Variants in AMOTL1 observed in about 807,000 individuals in gnomAD.
AMOTL1 encodes angiomotin like 1.
Under a neutral mutation model 102.9 loss-of-function variants are expected in AMOTL1, and 45 were observed. That is an observed-to-expected ratio of 0.44 (90% CI 0.34 to 0.56). The LOEUF (loss-of-function observed/expected upper bound fraction) is 0.56. Ranked by LOEUF, AMOTL1 falls within the 20% of genes least tolerant of loss-of-function variation. The probability of loss-of-function intolerance (pLI) is 0.01; values close to 1 mark genes in which losing one functional copy is unlikely to be tolerated. For missense variants in AMOTL1, 1,114 were observed against 1,225.6 expected, an observed-to-expected ratio of 0.91 and a Z score of 1.36; for synonymous variants, 481 against 484.7, an observed-to-expected ratio of 0.99 and a Z score of 0.10.
rs7937039 is a variant in AMOTL1, at chr11:94,829,222, T to C, written c.1414-828T>C. 9.7e-3 allele frequency among the ~76,000 whole-genome samples: 1,301 copies of C among 133,544 alleles called. 21 individuals are homozygous for C. The highest frequency in any genetic ancestry group is 0.038 in the African/African-American group (1,231 of 32,406). 87.6% of individuals were successfully genotyped at this position (133,544 alleles called of 152,430 possible). ...TGATTAGGTACATGTCCATTAATCC[T>C]TTTTTTTTTTTTTTTGGTGAGACGG... On this transcript the variant is annotated intron_variant, in intron 4 of 12. Transcript: ENST00000433060.
chr11:94,735,357 A>G (rs1201360516), intron 2 of AMOTL1, among the ~76,000 whole-genome samples: 1 of 152,210 alleles, frequency 6.6e-6, no homozygotes, highest in Non-Finnish European at 1.5e-5. Context: ...TGCAGCTAAG[A>G]TTTCCTTTGA....
At chr11:94,746,141 G>A (rs1950587853) in intron 3 of AMOTL1, among the ~76,000 whole-genome samples, 1 of 152,104 alleles carries the variant, frequency 6.6e-6, no homozygotes, top group Admixed American at 6.5e-5. Context: ...ACCAAAAAGG[G>A]GATTTTTTAA....
intron 3 of AMOTL1, among the ~76,000 whole-genome samples, chr11:94,816,585 G>A (rs1951770348): frequency 6.6e-6 from 1 of 151,692 alleles, no homozygotes; most frequent in Non-Finnish European, 1.5e-5. Context: ...ATTAAGTTTT[G>A]GTTTGCTTAG....
At chr11:94,745,605 T>G (rs1463260352) in intron 3 of AMOTL1, among the ~76,000 whole-genome samples, 2 of 152,186 alleles carry the variant, frequency 1.3e-5, no homozygotes, top group Non-Finnish European at 2.9e-5. Flanking sequence ...CTCTTGCAGT[T>G]TCTTGTGACC....
At chr11:94,810,760 T>G (rs1299968521) in intron 3 of AMOTL1, among the ~76,000 whole-genome samples, 1 of 144,512 alleles carries the variant, frequency 6.9e-6, no homozygotes, top group Non-Finnish European at 1.5e-5. Flanking sequence ...AAAACAGAAT[T>G]CAGTCAACTG....
intron 1 of AMOTL1, among the ~76,000 whole-genome samples, chr11:94,774,068 G>A (rs962109314): frequency 1.3e-5 from 2 of 152,184 alleles, no homozygotes; most frequent in Non-Finnish European, 1.5e-5. Flanking sequence ...TGCTGGGCAC[G>A]TTGAAAGCAT....
intron 4 of AMOTL1, among the ~76,000 whole-genome samples, chr11:94,824,594 G>A (rs748489036): frequency 6.6e-6 from 1 of 152,200 alleles, no homozygotes; most frequent in Non-Finnish European, 1.5e-5. Flanking sequence ...GCGTTCCTAA[G>A]GTCACCCTAG....
chr11:94,739,647 C>T (rs960601482), intron 2 of AMOTL1, among the ~76,000 whole-genome samples: 19 of 152,168 alleles, frequency 1.2e-4, no homozygotes, highest in African/African-American at 3.6e-4. Context: ...AGACTGTTGA[C>T]CCTCCAATAG....
At chr11:94,784,712 G>A (rs1166031941) in intron 1 of AMOTL1, among the ~76,000 whole-genome samples, 1 of 152,096 alleles carries the variant, frequency 6.6e-6, no homozygotes, top group Non-Finnish European at 1.5e-5. Context: ...AACTTTTCAG[G>A]AGTGTATATG....
intron 4 of AMOTL1, among the ~76,000 whole-genome samples, chr11:94,822,085 C>G (rs192037216): frequency 1.3e-5 from 2 of 152,028 alleles, no homozygotes; most frequent in African/African-American, 4.8e-5. Context: ...GGCTCTTGAC[C>G]GGAGACTCAG....
chr11:94,809,251 A>G (rs112680614), intron 3 of AMOTL1, among the ~76,000 whole-genome samples: 35,308 of 151,934 alleles, frequency 0.23, 4,725 homozygotes, highest in East Asian at 0.46. Flanking sequence ...GATTACAAGC[A>G]TGAGCCACTG....
rs761331275 is a variant in AMOTL1, at chr11:94,799,557, C to T, written c.367C>T (p.His123Tyr). The change falls in exon 3 of 13, where the codon CAC (histidine) becomes TAC (tyrosine). Residue 123 changes from histidine (H) to tyrosine (Y), a missense_variant. Physicochemically the swap from His to Tyr is moderately conservative, Grantham distance 83 (BLOSUM62 2). Transcript: ENST00000433060. This position sits in a 1 kb window ranked among gnomAD's most constrained non-coding sequence, Gnocchi z 4.5. ...GAACATGAACTTGCTGGCCATTCAG[C>T]ACCAGGCCACAGGGAGTGCAGGACC... ...TENMNLLAIQ[H>Y]QATGSAGPAH... The T allele has an allele frequency of 2.5e-6, 4 of 1,613,752 alleles. No homozygotes were observed. Among genetic ancestry groups the T allele is most frequent in the Admixed American group, 1.7e-5 (1 of 60,002 alleles).
At chr11:94,856,172 A>C (rs1952658994) in intron 8 of AMOTL1, among the ~76,000 whole-genome samples, 1 of 152,098 alleles carries the variant, frequency 6.6e-6, no homozygotes, top group South Asian at 2.1e-4. Flanking sequence ...AGATAAGTAG[A>C]GGTTGAGTAT....
intron 7 of AMOTL1, 39 bp from the exon 8 acceptor site, chr11:94,853,894 G>T: frequency 1.3e-6 from 2 of 1,589,888 alleles, no homozygotes; most frequent in South Asian, 2.3e-5. Context: ...AGAATCAGTG[G>T]TCTAAATTCT....
intron 3 of AMOTL1, among the ~76,000 whole-genome samples, chr11:94,816,745 C>T (rs1591995819): frequency 6.6e-6 from 1 of 151,974 alleles, no homozygotes; most frequent in Middle Eastern, 3.2e-3. Context: ...AGTCTTAAAC[C>T]CTGACAGCAG....
rs774144495 is a variant in AMOTL1 at position 94,859,731 on chromosome 11, C to T, written c.2135+16C>T. 6.3e-7 allele frequency: 1 copy of T among 1,583,826 alleles called. No individual in the cohort carries two copies. Among genetic ancestry groups the T allele is most frequent in the South Asian group, 1.2e-5 (1 of 86,896 alleles). On this transcript the variant is annotated intron_variant, in intron 9 of 12. Coordinates refer to ENST00000433060, the MANE Select transcript of AMOTL1 (RefSeq NM_130847.3). ...CAGCTGAGAGGTGAGACCAGTGGAA[C>T]TCTGGTGGTCATAAAAGCACAGTTA...
rs1049662718 is a variant in AMOTL1, at chr11:94,800,150, G to A, written c.960G>A (p.Met320Ile). 1.2e-6 allele frequency: 2 copies of A among 1,613,774 alleles called. No homozygotes were observed. The highest frequency in any genetic ancestry group is 1.3e-5 in the African/African-American group (1 of 74,880). ...PPEYPFKTKQMMSPVSKTQEH... is the reference protein window; with the variant it reads ...PPEYPFKTKQIMSPVSKTQEH... ...AGTACCCCTTCAAGACCAAGCAAATGATGTCCCCAGTCAGCAAGACCCAGG... is the reference window on the plus strand; with the variant it reads ...AGTACCCCTTCAAGACCAAGCAAATAATGTCCCCAGTCAGCAAGACCCAGG... Residue 320 changes from methionine to isoleucine, a missense_variant, in exon 3 of 13, where the codon ATG (methionine) becomes ATA (isoleucine). Physicochemically the swap from Met to Ile is conservative, Grantham distance 10. Coordinates refer to ENST00000433060, the MANE Select transcript of AMOTL1 (RefSeq NM_130847.3).
intron 1 of AMOTL1, among the ~76,000 whole-genome samples, chr11:94,780,488 T>C (rs1479054629): frequency 6.6e-6 from 1 of 152,264 alleles, no homozygotes; most frequent in Non-Finnish European, 1.5e-5. Flanking sequence ...CATAGTTTGT[T>C]AGCTGAATAG....
chr11:94,829,119 A>G (rs1256379138), intron 4 of AMOTL1, among the ~76,000 whole-genome samples: 3 of 152,136 alleles, frequency 2.0e-5, no homozygotes, highest in African/African-American at 7.2e-5. Context: ...GATTTAGTGA[A>G]ATATTTTTTT....
Sources: allele counts gnomAD v4.1 joint callset (sites outside exome capture counted in the v4.1 genomes callset), GRCh38; gene constraint gnomAD v4.1.1; non-coding constraint Gnocchi (gnomAD v3.1); transcripts MANE v1.5; gene names NCBI Gene and HGNC (gene_info 2026-07-23, HGNC 2026-07-21).